KCNH8: variants seen among roughly 807,000 people sequenced by gnomAD.
KCNH8 encodes the protein voltage-gated delayed rectifier potassium channel KCNH8.
A neutral mutation model predicts 103.6 loss-of-function variants in KCNH8; 70 were observed. That is an observed-to-expected ratio of 0.68 (90% CI 0.56 to 0.82). KCNH8 has a LOEUF of 0.82. Ranked by LOEUF, KCNH8 falls within the 40% of genes least tolerant of loss-of-function variation. KCNH8 has a pLI of 0.00. For synonymous variants in KCNH8, 498 were observed against 489.4 expected, an observed-to-expected ratio of 1.02 and a Z score of -0.23; for missense variants, 1,217 against 1,329.9, an observed-to-expected ratio of 0.92 and a Z score of 1.32.
intron 3 of KCNH8, among the ~76,000 whole-genome samples, chr3:19,281,796 A>T (rs1210812496): frequency 6.6e-6 from 1 of 152,126 alleles, no homozygotes; most frequent in Non-Finnish European, 1.5e-5. Flanking sequence ...TGTTGCAAAC[A>T]AATGTGAATC....
At chr3:19,463,657 T>C (rs578011278) in intron 11 of KCNH8, among the ~76,000 whole-genome samples, 3 of 152,176 alleles carry the variant, frequency 2.0e-5, no homozygotes, top group African/African-American at 7.2e-5. Context: ...GAATATAGTC[T>C]TGTGTATCCA....
intron 3 of KCNH8, among the ~76,000 whole-genome samples, chr3:19,323,754 G>A (rs2065383022): frequency 6.6e-6 from 1 of 152,090 alleles, no homozygotes; most frequent in African/African-American, 2.4e-5. Flanking sequence ...GATCCGAACT[G>A]CAATGATTGT....
At chr3:19,373,083 G>T (rs1358738077) in intron 5 of KCNH8, among the ~76,000 whole-genome samples, 2 of 151,802 alleles carry the variant, frequency 1.3e-5, no homozygotes, top group Admixed American at 1.3e-4. Flanking sequence ...TTTTTTGGTT[G>T]TGTCTGTGCC....
At chr3:19,494,458 C>T (rs2068394720) in intron 11 of KCNH8, among the ~76,000 whole-genome samples, 1 of 152,160 alleles carries the variant, frequency 6.6e-6, no homozygotes, top group Admixed American at 6.5e-5. Flanking sequence ...TGACTTGCTC[C>T]TCCTTGCCTT....
chr3:19,352,175 A>T (rs1009350364), intron 5 of KCNH8, among the ~76,000 whole-genome samples: 2 of 152,240 alleles, frequency 1.3e-5, no homozygotes, highest in African/African-American at 4.8e-5. Context: ...TTCAACAAGA[A>T]GAGCTAATTA....
At chr3:19,268,463 G>A (rs1327430337) in intron 2 of KCNH8, among the ~76,000 whole-genome samples, 1 of 152,154 alleles carries the variant, frequency 6.6e-6, no homozygotes, top group East Asian at 1.9e-4. Context: ...GCAGATAGCT[G>A]TTTATCACAT....
intron 5 of KCNH8, among the ~76,000 whole-genome samples, chr3:19,365,654 G>A (rs2066002056): frequency 6.6e-6 from 1 of 152,010 alleles, no homozygotes; most frequent in African/African-American, 2.4e-5. Flanking sequence ...TCTAGATGCT[G>A]GAGATAGGCC....
chr3:19,498,025 T>A (rs748340002), intron 11 of KCNH8, among the ~76,000 whole-genome samples: 17 of 152,218 alleles, frequency 1.1e-4, no homozygotes, highest in Admixed American at 2.0e-4. Flanking sequence ...CTTTGTTGGT[T>A]TAAAGTCTGT....
At chr3:19,401,764 C>G (rs1232574788) in intron 7 of KCNH8, among the ~76,000 whole-genome samples, 2 of 151,664 alleles carry the variant, frequency 1.3e-5, no homozygotes, top group Admixed American at 1.3e-4. Context: ...GTTGCATTAT[C>G]TCTGCAGTCT....
chr3:19,304,744 T>G (rs1388851644), intron 3 of KCNH8, among the ~76,000 whole-genome samples: 1 of 152,156 alleles, frequency 6.6e-6, no homozygotes, highest in African/African-American at 2.4e-5. Context: ...AGATGTTCTG[T>G]GTTTGTGCTG....
At chr3:19,328,554 T>G (rs1169733150) in intron 3 of KCNH8, among the ~76,000 whole-genome samples, 1 of 152,048 alleles carries the variant, frequency 6.6e-6, no homozygotes, top group Non-Finnish European at 1.5e-5. Context: ...AAAATTTGCT[T>G]TTAGGGCCAT....
chr3:19,225,492 T>C (rs938086970), intron 1 of KCNH8, among the ~76,000 whole-genome samples: 4 of 152,140 alleles, frequency 2.6e-5, no homozygotes, highest in Non-Finnish European at 5.9e-5. Context: ...GATATAGGCC[T>C]AGTTGTCATT....
intron 1 of KCNH8, among the ~76,000 whole-genome samples, chr3:19,170,825 T>TTTTTTC (rs2063341316): frequency 6.9e-6 from 1 of 145,552 alleles, no homozygotes; most frequent in African/African-American, 2.5e-5. Context: ...TTTTTTTTTT[T>TTTTTTC]TTGAGACGAA....
rs367672202 is a variant in KCNH8 at position 19,240,427 on chromosome 3, A to G, written c.77-13227A>G. Among the ~76,000 whole-genome samples the G allele has an allele frequency of 9.9e-5, 15 of 152,152 alleles. 2 individuals are homozygous for G. The highest frequency in any genetic ancestry group is 5.2e-4 in the Admixed American group (8 of 15,284). On this transcript the variant is annotated intron_variant, in intron 1 of 15. Coordinates refer to ENST00000328405, the MANE Select transcript of KCNH8 (RefSeq NM_144633.3). ...CGGGAGTTCAAGAGGAGCCTGACCA[A>G]CATGGAGAAACCCTGTCTCTACTAA... is the stretch of plus-strand genomic sequence containing the variant.
chr3:19,532,145 C>T (rs76292247), intron 15 of KCNH8, among the ~76,000 whole-genome samples: 1 of 151,972 alleles, frequency 6.6e-6, no homozygotes, highest in African/African-American at 2.4e-5. Flanking sequence ...GTGGTCGTTA[C>T]GAAAATAAAT....
chr3:19,494,816 C>T (rs1211671847), intron 11 of KCNH8, among the ~76,000 whole-genome samples: 2 of 152,140 alleles, frequency 1.3e-5, no homozygotes, highest in African/African-American at 2.4e-5. Context: ...TATACTCTTA[C>T]CAACAGTATA....
chr3:19,216,219 T>C (rs2063816263), intron 1 of KCNH8, among the ~76,000 whole-genome samples: 1 of 152,210 alleles, frequency 6.6e-6, no homozygotes, highest in African/African-American at 2.4e-5. Context: ...GTGGAATTGA[T>C]TCTCTCCATT....
At chr3:19,409,480 T>C (rs541335590) in intron 7 of KCNH8, among the ~76,000 whole-genome samples, 1 of 152,228 alleles carries the variant, frequency 6.6e-6, no homozygotes, top group South Asian at 2.1e-4. Context: ...AGCGAACAGC[T>C]AACAACTTCA....
intron 5 of KCNH8, among the ~76,000 whole-genome samples, chr3:19,361,436 T>C (rs1280917796): frequency 6.6e-6 from 1 of 152,110 alleles, no homozygotes; most frequent in African/African-American, 2.4e-5. Flanking sequence ...TCATTATAAC[T>C]CAAAATACTC....
Sources: gnomAD v4.1 joint callset for allele counts (sites outside exome capture counted in the v4.1 genomes callset) on GRCh38, gnomAD v4.1.1 for gene constraint, MANE v1.5 for transcripts, NCBI Gene and HGNC (gene_info 2026-07-23, HGNC 2026-07-21) for gene names.